The following SDCBP variants were observed in gnomAD, a reference collection of about 807,000 sequenced individuals.
SDCBP encodes the protein syndecan binding protein.
A neutral mutation model predicts 30.5 loss-of-function variants in SDCBP; 22 were observed. That is an observed-to-expected ratio of 0.72 (90% CI 0.52 to 1.03). The LOEUF is 1.03. SDCBP is among the 50% of genes least tolerant of loss of function. The probability of loss-of-function intolerance (pLI) is 0.00; values close to 1 mark genes in which losing one functional copy is unlikely to be tolerated. For missense variants in SDCBP, 304 were observed against 369.9 expected, an observed-to-expected ratio of 0.82 and a Z score of 1.46; for synonymous variants, 103 against 118.7, an observed-to-expected ratio of 0.87 and a Z score of 0.86.
chr8:58,581,543 T>C, intron 8 of SDCBP, 143 bp from the exon 9 acceptor site: 1 of 641,600 alleles, frequency 1.6e-6, no homozygotes, highest in Non-Finnish European at 2.8e-6. Context: ...TCTGGACTCA[T>C]TTAAAAGATC....
intron 1 of SDCBP, chr8:58,561,768 T>C: frequency 1.4e-6 from 1 of 690,382 alleles, no homozygotes; most frequent in South Asian, 1.5e-5. Flanking sequence ...TATGGACAAA[T>C]AGAGACCTGC....
chr8:58,579,620 T>C lies in SDCBP; in HGVS notation c.579-3T>C. 6.5e-7 allele frequency: 1 copy of C among 1,540,536 alleles called. No homozygotes were observed. Among genetic ancestry groups the C allele is most frequent in the East Asian group, 2.3e-5 (1 of 42,778 alleles). On this transcript the variant is annotated splice_region_variant and splice_polypyrimidine_tract_variant and intron_variant, in intron 6 of 8. Coordinates refer to ENST00000260130, the MANE Select transcript of SDCBP (RefSeq NM_005625.4). ...TTTTTAATTGAACCAATTATGTTTG[T>C]AGGCCCTTTGAACGGACGATTACCA...
chr8:58,559,783 A>G (rs1402470887), intron 1 of SDCBP, among the ~76,000 whole-genome samples: 3 of 152,190 alleles, frequency 2.0e-5, no homozygotes, highest in African/African-American at 7.2e-5. Context: ...AGAAATCCGG[A>G]AACTAGTTAA....
At chr8:58,562,760 C>A (rs908514991) in intron 1 of SDCBP, among the ~76,000 whole-genome samples, 5 of 152,050 alleles carry the variant, frequency 3.3e-5, no homozygotes, top group African/African-American at 4.8e-5. Context: ...GTCTTCATAA[C>A]CTTGAGTTGG....
intron 1 of SDCBP, among the ~76,000 whole-genome samples, chr8:58,563,268 C>G (rs1291582713): frequency 6.6e-6 from 1 of 152,070 alleles, no homozygotes. Context: ...GAATGAAATA[C>G]TGATACATGC....
intron 6 of SDCBP, among the ~76,000 whole-genome samples, chr8:58,579,236 T>G (rs1805530743): frequency 7.4e-6 from 1 of 135,730 alleles, no homozygotes; most frequent in African/African-American, 2.6e-5. Context: ...TAAAAATGAT[T>G]TGGCTCTAGA....
intron 8 of SDCBP, among the ~76,000 whole-genome samples, chr8:58,581,484 T>A: frequency 6.6e-6 from 1 of 152,144 alleles, no homozygotes; most frequent in East Asian, 1.9e-4. Flanking sequence ...CAAATACAGA[T>A]AGTCTTTCCC....
chr8:58,561,721 A>G lies in SDCBP; in HGVS notation c.-15-3298A>G, dbSNP rs951321742. ...GAGTCTGTTAAATGGAAACAAAAGT[A>G]TGTTCAACATGAAAGTATAAAATTA... is the stretch of plus-strand genomic sequence containing the variant. On this transcript the variant is annotated intron_variant, in intron 1 of 8. Transcript: ENST00000260130. 31 of 673,768 alleles carry G rather than the reference A, an allele frequency of 4.6e-5. No individual in the cohort carries two copies. In the African/African-American group the frequency reaches 4.7e-4, roughly 10 times the overall value. The allele number at this position is 673,768 out of a possible 1,614,324, so 41.7% of individuals were successfully genotyped here. A position where few individuals can be genotyped will look rare whatever the true frequency, so the allele number is the denominator to read the frequency against.
chr8:58,579,784 T>C lies in SDCBP; in HGVS notation c.740T>C (p.Ile247Thr), dbSNP rs754749476. 3.1e-6 allele frequency: 5 copies of C among 1,608,528 alleles called. No individual in the cohort carries two copies. Among genetic ancestry groups the C allele is most frequent in the Non-Finnish European group, 4.2e-6 (5 of 1,177,814 alleles). The change falls in exon 7 of 9, where the codon ATT becomes ACT. Residue 247 changes from isoleucine to threonine, a missense_variant. Coordinates refer to ENST00000260130, the MANE Select transcript of SDCBP (RefSeq NM_005625.4). ...TGTGAAATCAATGGACAGAATGTCATTGGATTGAAGGTAAGGAACAGACTT... is the reference window on the plus strand; with the variant it reads ...TGTGAAATCAATGGACAGAATGTCACTGGATTGAAGGTAAGGAACAGACTT... ...NICEINGQNV[I>T]GLKDSQIADI...
rs1304620628 is a variant in SDCBP, at chr8:58,582,799, T to C, written c.*1059T>C. 6.6e-6 allele frequency: 1 copy of C among 152,650 alleles called. No homozygotes were observed. The highest frequency in any genetic ancestry group is 2.4e-5 in the African/African-American group (1 of 41,464). The allele number at this position is 152,650 out of a possible 1,614,324, so 9.5% of individuals were successfully genotyped here. A position where few individuals can be genotyped will look rare whatever the true frequency, so the allele number is the denominator to read the frequency against. On this transcript the variant is annotated 3_prime_UTR_variant, in exon 9 of 9. Transcript: ENST00000260130. ...ACACTTTATCCTGATTTTTTTCTTC[T>C]TTTTGGTTTATGTCTATTCTAATTA...
intron 6 of SDCBP, 87 bp from the exon 7 acceptor site, chr8:58,579,536 C>T: frequency 1.0e-6 from 1 of 967,642 alleles, no homozygotes; most frequent in Admixed American, 3.2e-5. Flanking sequence ...ATAAAAGTAT[C>T]CAATATGGCA....
At chr8:58,556,159 C>G (rs189558603) in intron 1 of SDCBP, among the ~76,000 whole-genome samples, 9 of 152,148 alleles carry the variant, frequency 5.9e-5, no homozygotes, top group Non-Finnish European at 1.3e-4. Context: ...CAGCGGTTCC[C>G]GACATTTTTG....
At chr8:58,560,186 T>G (rs1563503995) in intron 1 of SDCBP, 1 of 151,948 alleles carries the variant, frequency 6.6e-6, no homozygotes, top group Non-Finnish European at 1.5e-5. Context: ...GACAAAAGAG[T>G]TGGAATGTGT....
At chr8:58,576,109 A>G (rs374905630) in intron 5 of SDCBP, 48 bp downstream of exon 5, 99 of 1,289,472 alleles carry the variant, frequency 7.7e-5, no homozygotes, top group Non-Finnish European at 1.0e-4. Context: ...CTCTTACATA[A>G]TAAGTGATTA....
chr8:58,556,950 A>AT (rs1804150013), intron 1 of SDCBP, among the ~76,000 whole-genome samples: 1 of 118,420 alleles, frequency 8.4e-6, no homozygotes, highest in African/African-American at 3.1e-5. Flanking sequence ...TATGAATAAT[A>AT]TATAATGATT....
intron 1 of SDCBP, among the ~76,000 whole-genome samples, chr8:58,556,138 T>A (rs897399895): frequency 6.6e-6 from 1 of 152,232 alleles, no homozygotes; most frequent in Non-Finnish European, 1.5e-5. Flanking sequence ...TATCCCAAGA[T>A]GTTTTTAATA....
Position 58,570,348 on chromosome 8 carries a change from A to G in SDCBP, c.52-539A>G, listed in dbSNP as rs74608398. Among the ~76,000 whole-genome samples the G allele has an allele frequency of 7.1e-3, 1,086 of 152,222 alleles. 13 individuals carry two copies. Among genetic ancestry groups the G allele is most frequent in the African/African-American group, 0.025 (1,030 of 41,534 alleles). ...ATTTATGTCAGTGATAAACTGTGCT[A>G]TTTTCATAATTTCTGATATTTTAAA... On this transcript the variant is annotated intron_variant, in intron 2 of 8. Transcript: ENST00000260130.
intron 8 of SDCBP, 71 bp from the exon 9 acceptor site, chr8:58,581,615 T>C (rs1292839938): frequency 8.7e-7 from 1 of 1,144,460 alleles, no homozygotes; most frequent in Non-Finnish European, 1.3e-6. Flanking sequence ...GGGAATTTTC[T>C]TGGATTAATG....
At chr8:58,559,492 CTT>C (rs1023073529) in intron 1 of SDCBP, among the ~76,000 whole-genome samples, 7 of 152,018 alleles carry the variant, frequency 4.6e-5, no homozygotes, top group East Asian at 3.9e-4. Flanking sequence ...AGATAATTCA[CTT>C]TGTTCTCCTG....
Sources: allele counts gnomAD v4.1 joint callset (sites outside exome capture counted in the v4.1 genomes callset), GRCh38; gene constraint gnomAD v4.1.1; transcripts MANE v1.5; gene names NCBI Gene and HGNC (gene_info 2026-07-23, HGNC 2026-07-21).